Variants in CEP170 observed in about 807,000 individuals in gnomAD.
The protein encoded by CEP170 is centrosomal protein 170, also known as centrosomal protein of 170 kDa.
Under a neutral mutation model 151.9 loss-of-function variants are expected in CEP170, and 21 were observed. The ratio of observed to expected loss-of-function variants is 0.14; its 90% CI spans 0.10 to 0.20. The LOEUF is 0.20. Among genes scored for constraint, CEP170 ranks in the 10% least tolerant of loss-of-function variants. The probability of loss-of-function intolerance (pLI) is 1.00; values close to 1 mark genes in which losing one functional copy is unlikely to be tolerated. For missense variants in CEP170, 964 were observed against 1,892.9 expected, an observed-to-expected ratio of 0.51 and a Z score of 9.11; for synonymous variants, 356 against 648.8, an observed-to-expected ratio of 0.55 and a Z score of 6.86.
intron 13 of CEP170, among the ~76,000 whole-genome samples, chr1:243,157,693 C>A (rs1394057721): frequency 6.6e-6 from 1 of 152,180 alleles, no homozygotes; most frequent in Non-Finnish European, 1.5e-5. Flanking sequence ...CCTTTTATGT[C>A]TTTTCCTCCA....
chr1:243,163,419 A>T (rs1336089797), intron 13 of CEP170: 1 of 152,106 alleles, frequency 6.6e-6, no homozygotes, highest in Non-Finnish European at 1.5e-5. Flanking sequence ...ACAAATATCC[A>T]CCTCATTACT....
chr1:243,245,068 G>T (rs1037769860), intron 1 of CEP170, among the ~76,000 whole-genome samples: 1 of 152,132 alleles, frequency 6.6e-6, no homozygotes, highest in South Asian at 2.1e-4. Context: ...ATAAGTGAGG[G>T]AAGCAGGGTG....
chr1:243,136,770 G>A (rs2055134034), intron 16 of CEP170, among the ~76,000 whole-genome samples: 1 of 152,032 alleles, frequency 6.6e-6, no homozygotes, highest in Non-Finnish European at 1.5e-5. Flanking sequence ...GCAAAACCAG[G>A]GGTCACCAAT....
intron 3 of CEP170, among the ~76,000 whole-genome samples, chr1:243,221,345 A>T (rs1004822365): frequency 1.3e-5 from 2 of 152,072 alleles, no homozygotes; most frequent in Non-Finnish European, 2.9e-5. Flanking sequence ...TTATTTTCTA[A>T]ACTTAACCAT....
chr1:243,221,673 A>G (rs2062828219), intron 3 of CEP170, 51 bp downstream of exon 3: 2 of 1,484,734 alleles, frequency 1.3e-6, no homozygotes, highest in Admixed American at 2.2e-5. Context: ...TTTTATTCTT[A>G]CAATATTAAA....
chr1:243,179,343 A>C (rs1320026015), intron 10 of CEP170, among the ~76,000 whole-genome samples: 1 of 152,062 alleles, frequency 6.6e-6, no homozygotes, highest in Admixed American at 6.6e-5. Context: ...TTTCCTTGCC[A>C]AGCAGATTTT....
At chr1:243,155,227 G>A (rs2789258) in intron 14 of CEP170, among the ~76,000 whole-genome samples, 23 of 152,206 alleles carry the variant, frequency 1.5e-4, no homozygotes, top group East Asian at 1.9e-4. Context: ...GAATAAAAGC[G>A]ATGACAAGTG....
At chr1:243,214,942 G>A (rs976219134) in intron 3 of CEP170, among the ~76,000 whole-genome samples, 7 of 151,992 alleles carry the variant, frequency 4.6e-5, no homozygotes, top group South Asian at 2.1e-4. Context: ...GATTATTGCC[G>A]GAAGTCAGTG....
chr1:243,178,936 T>A (rs1351161762), intron 10 of CEP170, among the ~76,000 whole-genome samples: 3 of 152,206 alleles, frequency 2.0e-5, no homozygotes, highest in South Asian at 2.1e-4. Flanking sequence ...GCCAGGATGG[T>A]GTCAATCTCC....
intron 4 of CEP170, among the ~76,000 whole-genome samples, chr1:243,203,829 A>G (rs574177456): frequency 1.3e-5 from 2 of 152,230 alleles, no homozygotes; most frequent in South Asian, 4.1e-4. Flanking sequence ...ATTAGAGTCC[A>G]CAGAGAATTA....
At chr1:243,233,146 A>G (rs959592811) in intron 1 of CEP170, among the ~76,000 whole-genome samples, 1 of 152,202 alleles carries the variant, frequency 6.6e-6, no homozygotes, top group Non-Finnish European at 1.5e-5. Context: ...TAGCAATCTG[A>G]GAAAAGTTGA....
chr1:243,158,769 T>A (rs944035837), intron 13 of CEP170, among the ~76,000 whole-genome samples: 1 of 152,100 alleles, frequency 6.6e-6, no homozygotes, highest in Admixed American at 6.6e-5. Context: ...TAATATCTTT[T>A]AAAAGCAATC....
At position 243,165,689 on chromosome 1, in the gene CEP170, A is replaced by G; in HGVS notation, c.2271T>C (p.Ala757=). 6.2e-7 allele frequency: 1 copy of G among 1,613,984 alleles called. No individual in the cohort carries two copies. Among genetic ancestry groups the G allele is most frequent in the Non-Finnish European group, 8.5e-7 (1 of 1,179,892 alleles). Reference sequence around the variant, plus strand: ...AAGACAATTTAGTAGGTGTCCACTGAGCCTCCTCCCTTTGTTCTTGTTGTT... The same window carrying G: ...AAGACAATTTAGTAGGTGTCCACTGGGCCTCCTCCCTTTGTTCTTGTTGTT... The part of the protein sequence containing the change: ...KLQQQEQREE[A]QWTPTKLSSK... The change falls in exon 13 of 20, where the codon GCT becomes GCC. Residue 757 remains alanine (A), a synonymous_variant. Coordinates refer to ENST00000366542, the MANE Select transcript of CEP170 (RefSeq NM_014812.3).
At chr1:243,232,218 G>T (rs1206461151) in intron 1 of CEP170, among the ~76,000 whole-genome samples, 1 of 152,062 alleles carries the variant, frequency 6.6e-6, no homozygotes, top group African/African-American at 2.4e-5. Context: ...ACCCGCTTCA[G>T]CCTCTCAAAG....
intron 4 of CEP170, among the ~76,000 whole-genome samples, chr1:243,208,109 C>G (rs1320266761): frequency 1.3e-5 from 2 of 151,984 alleles, no homozygotes; most frequent in Non-Finnish European, 1.5e-5. Flanking sequence ...TCATCCTTGA[C>G]TCTTTCTCTT....
chr1:243,160,791 A>C (rs1385461073), intron 13 of CEP170, among the ~76,000 whole-genome samples: 1 of 152,228 alleles, frequency 6.6e-6, no homozygotes, highest in Admixed American at 6.5e-5. Flanking sequence ...AACTCAAGCC[A>C]TGCATGTCTA....
At chr1:243,214,181 G>A (rs1018913665) in intron 3 of CEP170, among the ~76,000 whole-genome samples, 4 of 151,740 alleles carry the variant, frequency 2.6e-5, no homozygotes, top group Non-Finnish European at 5.9e-5. Flanking sequence ...ATTGGATTGA[G>A]CTTCTAATTG....
intron 8 of CEP170, among the ~76,000 whole-genome samples, chr1:243,189,424 T>TGC (rs2060149987): frequency 1.3e-5 from 2 of 151,558 alleles, no homozygotes; most frequent in Non-Finnish European, 2.9e-5. Flanking sequence ...GGTGTGGTGG[T>TGC]GGGCGCCTGT....
At chr1:243,168,736 T>C (rs1472036901) in intron 12 of CEP170, among the ~76,000 whole-genome samples, 2 of 151,872 alleles carry the variant, frequency 1.3e-5, no homozygotes, top group Non-Finnish European at 2.9e-5. Context: ...CAGGGTCTTA[T>C]TGTTAATTAG....
Sources: allele counts gnomAD v4.1 joint callset (sites outside exome capture counted in the v4.1 genomes callset), GRCh38; gene constraint gnomAD v4.1.1; transcripts MANE v1.5; gene names NCBI Gene and HGNC (gene_info 2026-07-23, HGNC 2026-07-21).